Variants in ZC2HC1B observed in about 807,000 individuals in gnomAD.
ZC2HC1B encodes zinc finger C2HC-type containing 1B, also known as zinc finger C2HC domain-containing protein 1B.
ZC2HC1B carries 36 observed loss-of-function variants against 31.0 expected under a neutral mutation model. That is an observed-to-expected ratio of 1.16 (90% CI 0.89 to 1.54). The LOEUF is 1.54. Ranked by LOEUF, ZC2HC1B falls within the 40% of genes most tolerant of loss-of-function variation. The pLI is 0.00. For synonymous variants in ZC2HC1B, 73 were observed against 88.0 expected, an observed-to-expected ratio of 0.83 and a Z score of 0.95; for missense variants, 260 against 268.6, an observed-to-expected ratio of 0.97 and a Z score of 0.22.
intron 6 of ZC2HC1B, among the ~76,000 whole-genome samples, chr6:143,912,899 G>A (rs1377631813): frequency 1.3e-5 from 2 of 152,182 alleles, no homozygotes; most frequent in African/African-American, 4.8e-5. Flanking sequence ...TTTGTCCCAG[G>A]GACAACACAG....
At chr6:143,891,477 G>T (rs1777602251) in intron 4 of ZC2HC1B, among the ~76,000 whole-genome samples, 1 of 152,044 alleles carries the variant, frequency 6.6e-6, no homozygotes, top group Non-Finnish European at 1.5e-5. Flanking sequence ...GAGGCAGGTG[G>T]ATCACTTGAG....
intron 1 of ZC2HC1B, among the ~76,000 whole-genome samples, chr6:143,866,589 T>C (rs1777266599): frequency 6.6e-6 from 1 of 152,260 alleles, no homozygotes. Flanking sequence ...CTTGTGTCTA[T>C]TACCTGTGAT....
chr6:143,889,385 C>A (rs947043233), intron 4 of ZC2HC1B, among the ~76,000 whole-genome samples: 1 of 151,972 alleles, frequency 6.6e-6, no homozygotes, highest in Non-Finnish European at 1.5e-5. Context: ...CCTACACATT[C>A]CAGATAAAAG....
In ZC2HC1B at chr6:143,881,166, G is replaced by A. The variant is rs76450864; in HGVS notation, c.29-3138G>A. Reference sequence around the variant, plus strand: ...AATTTTTGTCATTTTTTAATAAGTTGTGCAGGTGAAATCACACAGTATGTG... The same window carrying A: ...AATTTTTGTCATTTTTTAATAAGTTATGCAGGTGAAATCACACAGTATGTG... On this transcript the variant is annotated intron_variant, in intron 1 of 7. Coordinates refer to ENST00000237275, the MANE Select transcript of ZC2HC1B (RefSeq NM_001013623.3). 5.1e-3 allele frequency among the ~76,000 whole-genome samples: 782 copies of A among 152,152 alleles called. 6 individuals are homozygous for A. Among genetic ancestry groups the A allele is most frequent in the African/African-American group, 0.018 (751 of 41,502 alleles).
chr6:143,893,626 A>G (rs1777627634), intron 4 of ZC2HC1B, among the ~76,000 whole-genome samples: 1 of 152,162 alleles, frequency 6.6e-6, no homozygotes, highest in African/African-American at 2.4e-5. Context: ...ACCAACTGGA[A>G]GTCTCATACA....
intron 6 of ZC2HC1B, among the ~76,000 whole-genome samples, chr6:143,925,459 A>G (rs1778025053): frequency 6.6e-6 from 1 of 151,030 alleles, no homozygotes; most frequent in Non-Finnish European, 1.5e-5. Flanking sequence ...TACAGGTGTG[A>G]GCCACTGCTC....
At chr6:143,919,369 C>G (rs1480120397) in intron 6 of ZC2HC1B, among the ~76,000 whole-genome samples, 2 of 148,566 alleles carry the variant, frequency 1.3e-5, no homozygotes, top group East Asian at 3.9e-4. Context: ...TGTTCACCTT[C>G]TAATTTCCTC....
chr6:143,908,818 A>G lies in ZC2HC1B; in HGVS notation c.598+5666A>G, dbSNP rs947168534. On this transcript the variant is annotated intron_variant, in intron 6 of 7. Transcript: ENST00000237275. The surrounding 1 kb of genome is among the most constrained non-coding windows in gnomAD (Gnocchi z 4.4). ...GACAGAACTTCCAGTACTATGTTCA[A>G]TAGGAGTGGTGAGAGAGGGCCTCTT... is the stretch of plus-strand genomic sequence containing the variant. Among the ~76,000 whole-genome samples, 4 of 152,142 alleles carry G rather than the reference A, an allele frequency of 2.6e-5. No individual in the cohort carries two copies. The highest frequency in any genetic ancestry group is 6.5e-5 in the Admixed American group (1 of 15,274).
At chr6:143,909,660 T>A (rs569460984) in intron 6 of ZC2HC1B, among the ~76,000 whole-genome samples, 38 of 152,180 alleles carry the variant, frequency 2.5e-4, no homozygotes, top group African/African-American at 7.5e-4. Flanking sequence ...GTCCAGGAAT[T>A]TATCCATTTC....
At chr6:143,873,300 C>T (rs1777366008) in intron 1 of ZC2HC1B, among the ~76,000 whole-genome samples, 1 of 152,234 alleles carries the variant, frequency 6.6e-6, no homozygotes, top group Non-Finnish European at 1.5e-5. Flanking sequence ...GTCTTGGCAG[C>T]TCTGCCTCTG....
At position 143,922,794 on chromosome 6, in the gene ZC2HC1B, A is replaced by C. The variant is rs1006685852; in HGVS notation, c.599-14855A>C. Among the ~76,000 whole-genome samples, 5 of 152,136 alleles carry C rather than the reference A, an allele frequency of 3.3e-5. No individual in the cohort carries two copies. Among genetic ancestry groups the C allele is most frequent in the African/African-American group, 4.8e-5 (2 of 41,428 alleles). On this transcript the variant is annotated intron_variant, in intron 6 of 7. Transcript: ENST00000237275. The surrounding 1 kb of genome is among the most constrained non-coding windows in gnomAD (Gnocchi z 5.0). Reference sequence around the variant, plus strand: ...ATTGATTTCATATGTTGCTATTGTGAATAGTCCTGCCATAAACAAGAGGAT... The same window carrying C: ...ATTGATTTCATATGTTGCTATTGTGCATAGTCCTGCCATAAACAAGAGGAT...
intron 1 of ZC2HC1B, among the ~76,000 whole-genome samples, chr6:143,866,536 G>C (rs1042315145): frequency 6.6e-6 from 1 of 152,138 alleles, no homozygotes; most frequent in Non-Finnish European, 1.5e-5. Flanking sequence ...GTTGAGGACT[G>C]TCTGTTACTT....
chr6:143,879,823 GA>G (rs1323374035), intron 1 of ZC2HC1B, among the ~76,000 whole-genome samples: 28 of 101,206 alleles, frequency 2.8e-4, no homozygotes, highest in Middle Eastern at 6.1e-3. Flanking sequence ...AGTTGTCCCT[GA>G]TTTTTTTTTT....
At position 143,871,263 on chromosome 6, in the gene ZC2HC1B, A is replaced by G. The variant is rs1777332170; in HGVS notation, c.28+6696A>G. Among the ~76,000 whole-genome samples the G allele has an allele frequency of 6.6e-6, 1 of 152,194 alleles. No individual in the cohort carries two copies. The highest frequency in any genetic ancestry group is 1.5e-5 in the Non-Finnish European group (1 of 68,036). On this transcript the variant is annotated intron_variant, in intron 1 of 7. Coordinates refer to ENST00000237275, the MANE Select transcript of ZC2HC1B (RefSeq NM_001013623.3). The surrounding 1 kb of genome is among the most constrained non-coding windows in gnomAD (Gnocchi z 4.1). The stretch of plus-strand genomic sequence containing the variant: ...CAGTCAGCATAATGTCATCAATGTA[A>G]TGGACCAGTGTGATACCTTGTGGAA...
rs71796574 is a variant in ZC2HC1B at position 143,885,742 on chromosome 6, GGAGTA to G, written c.91-289_91-285del. Among the ~76,000 whole-genome samples the G allele has an allele frequency of 0.044, 6,681 of 152,250 alleles. 368 individuals carry two copies. The highest frequency in any genetic ancestry group is 0.12 in the African/African-American group (5,184 of 41,512). ...TTGAATACTTGAAGGACTACTGATT[GGAGTA>G]AAGAACATACTGCCCACATTTGAGT... On this transcript the variant is annotated intron_variant, in intron 2 of 7. Transcript: ENST00000237275. The surrounding 1 kb of genome is among the most constrained non-coding windows in gnomAD (Gnocchi z 4.2).
intron 1 of ZC2HC1B, among the ~76,000 whole-genome samples, chr6:143,867,260 T>C (rs977884900): frequency 6.6e-6 from 1 of 152,236 alleles, no homozygotes; most frequent in African/African-American, 2.4e-5. Flanking sequence ...AAGCCACTTG[T>C]ATAGTATCCT....
rs1778152557 is a variant in ZC2HC1B, at chr6:143,934,208, G to A, written c.599-3441G>A. On this transcript the variant is annotated intron_variant, in intron 6 of 7. Coordinates refer to ENST00000237275, the MANE Select transcript of ZC2HC1B (RefSeq NM_001013623.3). The surrounding 1 kb of genome is among the most constrained non-coding windows in gnomAD (Gnocchi z 4.6). ...TTTGGGAACTTACGAATTTTCACCT[G>A]TCTTGCAGAATTTGCAATAGCCTGC... Among the ~76,000 whole-genome samples, 2 of 152,242 alleles carry A rather than the reference G, an allele frequency of 1.3e-5. No homozygotes were observed. The highest frequency in any genetic ancestry group is 1.3e-4 in the Admixed American group (2 of 15,290).
intron 4 of ZC2HC1B, among the ~76,000 whole-genome samples, chr6:143,888,752 G>T (rs1403620775): frequency 1.3e-5 from 2 of 151,854 alleles, no homozygotes; most frequent in African/African-American, 4.8e-5. Context: ...CCTGTAACTT[G>T]TGCTGAATTC....
rs560077341 is a variant in ZC2HC1B, at chr6:143,869,682, T to C, written c.28+5115T>C. Among the ~76,000 whole-genome samples, 2 of 152,360 alleles carry C rather than the reference T, an allele frequency of 1.3e-5. No individual in the cohort carries two copies. The highest frequency in any genetic ancestry group is 3.9e-4 in the East Asian group (2 of 5,184). ...TGGAAGAGGTTCAATGTAATCAACC[T>C]GCCAGCAGGTAGCTGGCTGATCACC... On this transcript the variant is annotated intron_variant, in intron 1 of 7. Transcript: ENST00000237275. The surrounding 1 kb of genome is among the most constrained non-coding windows in gnomAD (Gnocchi z 5.2).
Sources: gnomAD v4.1 joint callset for allele counts (sites outside exome capture counted in the v4.1 genomes callset) on GRCh38, gnomAD v4.1.1 for gene constraint, Gnocchi (gnomAD v3.1) non-coding constraint, MANE v1.5 for transcripts, NCBI Gene and HGNC (gene_info 2026-07-23, HGNC 2026-07-21) for gene names.